CTNND2: variants seen among roughly 807,000 people sequenced by gnomAD.
The protein encoded by CTNND2 is catenin delta-2.
A neutral mutation model predicts 144.4 loss-of-function variants in CTNND2; 22 were observed. That is an observed-to-expected ratio of 0.15 (90% CI 0.11 to 0.22). The LOEUF (loss-of-function observed/expected upper bound fraction) is 0.22, where lower values mean the gene tolerates loss of function less well. CTNND2 is among the 10% of genes least tolerant of loss of function. CTNND2 has a pLI of 1.00. For synonymous variants in CTNND2, 751 were observed against 695.6 expected, an observed-to-expected ratio of 1.08 and a Z score of -1.25; for missense variants, 1,353 against 1,618.8, an observed-to-expected ratio of 0.84 and a Z score of 2.82.
chr5:11,432,343 T>C, intron 3 of CTNND2, among the ~76,000 whole-genome samples: 1 of 150,126 alleles, frequency 6.7e-6, no homozygotes, highest in East Asian at 1.9e-4. Flanking sequence ...GGCAGAAATG[T>C]GGTTTGAGCC....
intron 2 of CTNND2, among the ~76,000 whole-genome samples, chr5:11,609,404 T>C (rs1780210826): frequency 6.6e-6 from 1 of 152,078 alleles, no homozygotes; most frequent in African/African-American, 2.4e-5. Context: ...ACACAGAAAA[T>C]GTGCCCTCTT....
chr5:11,893,822 C>G (rs148866566), intron 1 of CTNND2, among the ~76,000 whole-genome samples: 4 of 152,096 alleles, frequency 2.6e-5, no homozygotes, highest in African/African-American at 9.7e-5. Flanking sequence ...ATCACACAAC[C>G]CATGCTAAAC....
At chr5:11,355,498 T>C (rs762923108) in intron 8 of CTNND2, among the ~76,000 whole-genome samples, 1 of 151,824 alleles carries the variant, frequency 6.6e-6, no homozygotes, top group Non-Finnish European at 1.5e-5. Context: ...CTCAACAAAT[T>C]AGGTATAGAA....
intron 2 of CTNND2, among the ~76,000 whole-genome samples, chr5:11,631,178 T>A (rs1781395051): frequency 1.3e-5 from 2 of 152,192 alleles, no homozygotes; most frequent in Non-Finnish European, 2.9e-5. Context: ...AATATGTTAT[T>A]CTAGACATTT....
At chr5:11,890,850 C>A (rs963230031) in intron 1 of CTNND2, among the ~76,000 whole-genome samples, 19 of 152,148 alleles carry the variant, frequency 1.2e-4, no homozygotes, top group Non-Finnish European at 2.9e-5. Context: ...TGGCTAGAGC[C>A]TAATAAACCC....
chr5:11,834,989 A>G (rs1406986477), intron 1 of CTNND2, among the ~76,000 whole-genome samples: 1 of 151,906 alleles, frequency 6.6e-6, no homozygotes, highest in Non-Finnish European at 1.5e-5. Flanking sequence ...AAATACAAAA[A>G]TCAGCCAGGC....
chr5:11,750,698 G>T (rs191260522), intron 1 of CTNND2, among the ~76,000 whole-genome samples: 1 of 151,770 alleles, frequency 6.6e-6, no homozygotes, highest in Admixed American at 6.6e-5. Flanking sequence ...TATATTGTAG[G>T]TTTGCGTCAA....
intron 3 of CTNND2, among the ~76,000 whole-genome samples, chr5:11,452,657 C>T (rs1765400857): frequency 6.6e-6 from 1 of 152,162 alleles, no homozygotes; most frequent in Non-Finnish European, 1.5e-5. Flanking sequence ...TTCATTCTAA[C>T]TATTCATTCT....
intron 2 of CTNND2, among the ~76,000 whole-genome samples, chr5:11,591,291 C>A (rs757027411): frequency 5.3e-5 from 8 of 152,168 alleles, no homozygotes; most frequent in Non-Finnish European, 1.0e-4. Context: ...AGAAATCATT[C>A]AGTTACCTCT....
chr5:11,441,462 T>C (rs1469367303), intron 3 of CTNND2, among the ~76,000 whole-genome samples: 1 of 149,504 alleles, frequency 6.7e-6, no homozygotes, highest in Non-Finnish European at 1.5e-5. Context: ...CACTGCAGTC[T>C]CTGCCTCCTG....
chr5:11,244,911 T>C (rs1361401936), intron 9 of CTNND2, among the ~76,000 whole-genome samples: 1 of 152,210 alleles, frequency 6.6e-6, no homozygotes, highest in African/African-American at 2.4e-5. Context: ...CCTTCTCATA[T>C]AAAATTTGTA....
intron 12 of CTNND2, among the ~76,000 whole-genome samples, chr5:11,146,920 G>A (rs1198175938): frequency 1.3e-5 from 2 of 152,232 alleles, no homozygotes; most frequent in African/African-American, 4.8e-5. Context: ...TGTGAAGTTA[G>A]TTATCTCTCC....
chr5:11,734,824 A>G (rs1787589250), intron 1 of CTNND2, among the ~76,000 whole-genome samples: 1 of 152,204 alleles, frequency 6.6e-6, no homozygotes, highest in African/African-American at 2.4e-5. Context: ...CTTAAAATAT[A>G]TGTTAAGGAA....
chr5:11,713,583 C>CAA (rs1165519277), intron 2 of CTNND2, among the ~76,000 whole-genome samples: 3,659 of 55,278 alleles, frequency 0.066, 262 homozygotes, highest in African/African-American at 0.12. Flanking sequence ...GACTCCATCT[C>CAA]AAAAAAAAAA....
At chr5:11,811,517 T>C (rs1468740264) in intron 1 of CTNND2, among the ~76,000 whole-genome samples, 3 of 152,190 alleles carry the variant, frequency 2.0e-5, no homozygotes, top group South Asian at 2.1e-4. Flanking sequence ...GGCATGATAT[T>C]GTAAAGGTGT....
intron 9 of CTNND2, among the ~76,000 whole-genome samples, chr5:11,237,089 A>T (rs920782766): frequency 6.7e-6 from 1 of 149,732 alleles, no homozygotes; most frequent in African/African-American, 2.5e-5. Flanking sequence ...GAGCGATCTC[A>T]GCTCACTGCA....
intron 2 of CTNND2, among the ~76,000 whole-genome samples, chr5:11,672,567 C>T (rs1783930777): frequency 6.6e-6 from 1 of 152,142 alleles, no homozygotes; most frequent in African/African-American, 2.4e-5. Flanking sequence ...GGCTTGTTTA[C>T]ACTGTGAGGG....
At chr5:11,792,816 T>G (rs1791206321) in intron 1 of CTNND2, among the ~76,000 whole-genome samples, 1 of 152,220 alleles carries the variant, frequency 6.6e-6, no homozygotes. Context: ...CCATTTCCTC[T>G]TTCCCTACGG....
chr5:11,503,439 T>C (rs143563975), intron 3 of CTNND2, among the ~76,000 whole-genome samples: 16 of 152,366 alleles, frequency 1.1e-4, no homozygotes, highest in African/African-American at 3.1e-4. Flanking sequence ...AATGTCTCCG[T>C]TGACCAAGGT....
Sources: allele counts gnomAD v4.1 joint callset (sites outside exome capture counted in the v4.1 genomes callset), GRCh38; gene constraint gnomAD v4.1.1; transcripts MANE v1.5; gene names NCBI Gene and HGNC (gene_info 2026-07-23, HGNC 2026-07-21).